The following TRIM2 variants were observed in gnomAD, a reference collection of about 807,000 sequenced individuals.
The protein encoded by TRIM2 is tripartite motif containing 2.
Under a neutral mutation model 75.2 loss-of-function variants are expected in TRIM2, and 20 were observed. The observed-to-expected ratio is 0.27, with a 90% confidence interval of 0.19 to 0.39. The LOEUF is 0.39. TRIM2 is among the 10% of genes least tolerant of loss of function. The pLI is 1.00. For synonymous variants in TRIM2, 373 were observed against 388.3 expected, an observed-to-expected ratio of 0.96 and a Z score of 0.46; for missense variants, 660 against 990.8, an observed-to-expected ratio of 0.67 and a Z score of 4.48.
intron 1 of TRIM2, among the ~76,000 whole-genome samples, chr4:153,163,493 A>ATATTTTTTTTTTTTTTTTTTT (rs1390228832): frequency 6.2e-5 from 5 of 80,880 alleles, no homozygotes; most frequent in African/African-American, 8.7e-5. Flanking sequence ...CTAGATTTAC[A>ATATTTTTTTTTTTTTTTTTTT]TCTTTTTTTT....
At chr4:153,174,638 T>C (rs189654874) in intron 1 of TRIM2, among the ~76,000 whole-genome samples, 3 of 152,330 alleles carry the variant, frequency 2.0e-5, no homozygotes, top group Admixed American at 2.0e-4. Context: ...ACTCACCAAT[T>C]ATTCATCTCA....
chr4:153,219,555 T>C (rs1487018451), intron 1 of TRIM2, among the ~76,000 whole-genome samples: 2 of 152,218 alleles, frequency 1.3e-5, no homozygotes, highest in Non-Finnish European at 1.5e-5. Flanking sequence ...AATCAAGGAC[T>C]GCATAAATAT....
chr4:153,176,431 C>T (rs886420001), intron 1 of TRIM2, among the ~76,000 whole-genome samples: 3 of 150,984 alleles, frequency 2.0e-5, no homozygotes, highest in African/African-American at 4.9e-5. Context: ...CCAGACTGGG[C>T]GACAGAGTGA....
At chr4:153,307,452 T>TA (rs1317629523) in intron 6 of TRIM2, among the ~76,000 whole-genome samples, 30 of 152,054 alleles carry the variant, frequency 2.0e-4, no homozygotes, top group African/African-American at 7.0e-4. Flanking sequence ...AAAATATATA[T>TA]TTTTTTACTT....
chr4:153,210,482 T>C (rs1352480173), intron 1 of TRIM2, among the ~76,000 whole-genome samples: 1 of 152,220 alleles, frequency 6.6e-6, no homozygotes, highest in Non-Finnish European at 1.5e-5. Flanking sequence ...CCCAAATGTT[T>C]CACAGGCAAC....
chr4:153,204,459 T>C lies in TRIM2; in HGVS notation c.-72T>C. The C allele has an allele frequency of 6.5e-7, 1 of 1,531,960 alleles. No individual in the cohort carries two copies. Among genetic ancestry groups the C allele is most frequent in the Non-Finnish European group, 8.9e-7 (1 of 1,129,348 alleles). 94.9% of individuals were successfully genotyped at this position (1,531,960 alleles called of 1,614,324 possible). The stretch of plus-strand genomic sequence containing the variant: ...CTTTAACTCGGCAGCTTGATGACTA[T>C]AATGGGCCCAGTTGTCTGCGGGCTG... On this transcript the variant is annotated 5_prime_UTR_variant, in exon 1 of 12. Transcript: ENST00000338700.
At chr4:153,275,855 G>T (rs770084106) in intron 2 of TRIM2, 38 bp from the exon 3 acceptor site, 12 of 1,576,676 alleles carry the variant, frequency 7.6e-6, no homozygotes, top group Non-Finnish European at 9.6e-6. Flanking sequence ...TGGAGGTTCT[G>T]CACTGTGCTA....
chr4:153,244,403 TTCTTCTTCTTC>T (rs1560875088), intron 1 of TRIM2, among the ~76,000 whole-genome samples: 1 of 88,304 alleles, frequency 1.1e-5, no homozygotes, highest in African/African-American at 7.2e-5. Flanking sequence ...CTTCTTCTTC[TTCTTCTTCTTC>T]TTCTTCTTCT....
At chr4:153,271,765 C>T (rs1215355321) in intron 2 of TRIM2, among the ~76,000 whole-genome samples, 1 of 152,150 alleles carries the variant, frequency 6.6e-6, no homozygotes, top group Non-Finnish European at 1.5e-5. Context: ...GCTAATAGTC[C>T]ATGTGTCCCT....
chr4:153,326,767 G>A (rs1291163233), intron 10 of TRIM2, among the ~76,000 whole-genome samples: 2 of 152,208 alleles, frequency 1.3e-5, no homozygotes, highest in African/African-American at 4.8e-5. Flanking sequence ...GCTCACCTGA[G>A]GTCAGGAGTT....
At chr4:153,200,409 C>T (rs1420469314), upstream of TRIM2, among the ~76,000 whole-genome samples, 2 of 152,006 alleles carry the variant, frequency 1.3e-5, no homozygotes, top group Non-Finnish European at 2.9e-5. Context: ...TGTATATAAC[C>T]ACAATGTGTT....
intron 1 of TRIM2, among the ~76,000 whole-genome samples, chr4:153,210,969 T>A (rs1050622509): frequency 2.6e-5 from 4 of 152,092 alleles, no homozygotes; most frequent in Non-Finnish European, 5.9e-5. Context: ...AGGGCACCAT[T>A]GTCTGAGCTG....
rs532570163 is a variant in TRIM2, at chr4:153,259,613, C to G, written c.31-10722C>G. On this transcript the variant is annotated intron_variant, in intron 1 of 11. Coordinates refer to ENST00000338700, the MANE Select transcript of TRIM2 (RefSeq NM_015271.5). Reference sequence around the variant, plus strand: ...AAAATATGACTTCAATTACTTTTTACTATGGCAAAATGATGATTTGCACAT... The same window carrying G: ...AAAATATGACTTCAATTACTTTTTAGTATGGCAAAATGATGATTTGCACAT... 5.9e-4 allele frequency among the ~76,000 whole-genome samples: 90 copies of G among 152,302 alleles called. No homozygotes were observed. In the South Asian group the frequency reaches 7.3e-3, roughly 12 times the overall value.
At chr4:153,168,608 C>T (rs528579624) in intron 1 of TRIM2, among the ~76,000 whole-genome samples, 10 of 149,646 alleles carry the variant, frequency 6.7e-5, no homozygotes, top group African/African-American at 2.5e-4. Context: ...GGAAATAACT[C>T]GAAACATTTT....
chr4:153,274,754 A>G (rs1410031105), intron 2 of TRIM2, among the ~76,000 whole-genome samples: 1 of 152,248 alleles, frequency 6.6e-6, no homozygotes, highest in African/African-American at 2.4e-5. Context: ...AAATTTTTCA[A>G]TAAAAAGGAA....
chr4:153,303,906 G>A (rs1395362275), intron 6 of TRIM2, among the ~76,000 whole-genome samples: 1 of 152,110 alleles, frequency 6.6e-6, no homozygotes, highest in African/African-American at 2.4e-5. Context: ...ACTGCTGTTT[G>A]AGCACCTTCT....
rs762106034 is a variant in TRIM2, at chr4:153,295,936, C to A, written c.1410C>A (p.Ser470Arg). 4 of 1,594,108 alleles carry A rather than the reference C, an allele frequency of 2.5e-6. No individual in the cohort carries two copies. Among genetic ancestry groups the A allele is most frequent in the Non-Finnish European group, 3.4e-6 (4 of 1,170,910 alleles). Residue 470 changes from serine to arginine, a missense_variant, in exon 6 of 12, where the codon AGC becomes AGA. Ser to Arg is a moderately radical substitution (Grantham distance 110, BLOSUM62 -1). Transcript: ENST00000338700. The surrounding 1 kb of genome is among the most constrained non-coding windows in gnomAD (Gnocchi z 7.2). ...GVKRRVKSPG[S>R]GHVKQKAVKR... ...AGAGGCGCGTTAAGTCCCCGGGGAGCGGCCACGTCAAGCAGAAAGCTGTGA... is the reference window on the plus strand; with the variant it reads ...AGAGGCGCGTTAAGTCCCCGGGGAGAGGCCACGTCAAGCAGAAAGCTGTGA...
chr4:153,278,117 T>G (rs778821714), intron 3 of TRIM2, among the ~76,000 whole-genome samples: 15 of 152,078 alleles, frequency 9.9e-5, no homozygotes, highest in Admixed American at 2.0e-4. Context: ...TTTTTGTTTT[T>G]GTTTCTGAGA....
intron 3 of TRIM2, among the ~76,000 whole-genome samples, chr4:153,287,946 C>A (rs982320293): frequency 2.0e-5 from 3 of 152,002 alleles, no homozygotes; most frequent in Non-Finnish European, 4.4e-5. Flanking sequence ...TTTGGCATGA[C>A]TTGTAGGGAA....
Sources: allele counts gnomAD v4.1 joint callset (sites outside exome capture counted in the v4.1 genomes callset), GRCh38; gene constraint gnomAD v4.1.1; non-coding constraint Gnocchi (gnomAD v3.1); transcripts MANE v1.5; gene names NCBI Gene and HGNC (gene_info 2026-07-23, HGNC 2026-07-21).